The following GALNT16 variants were observed in gnomAD, a reference collection of about 807,000 sequenced individuals.
The protein encoded by GALNT16 is UDP-GalNAc:polypeptide N-acetylgalactosaminyltransferase-like protein 1.
A neutral mutation model predicts 76.1 loss-of-function variants in GALNT16; 40 were observed. That is an observed-to-expected ratio of 0.53 (90% CI 0.41 to 0.68). GALNT16 has a LOEUF of 0.68. Ranked by LOEUF, GALNT16 falls within the 30% of genes least tolerant of loss-of-function variation. The pLI is 0.00. For synonymous variants in GALNT16, 276 were observed against 285.2 expected (o/e 0.97, Z 0.32); for missense variants, 621 against 731.9 (o/e 0.85, Z 1.75).
the GALNT16 span, among the ~76,000 whole-genome samples, chr14:69,366,194 T>A: frequency 2.0e-5 from 3 of 152,186 alleles, no homozygotes; most frequent in Admixed American, 6.5e-5. Flanking sequence ...CATGAATGAA[T>A]GAGCAGCATG....
In GALNT16 at chr14:69,326,007, T is replaced by A; in HGVS notation, c.548T>A (p.Leu183Gln). ...LLTRIPKVKC[L>Q]RNDRREGLIR... ...ACCAGGATCCCCAAGGTCAAGTGCC[T>A]GCGCAATGATCGGCGGGAAGGTGAG... The change falls in exon 5 of 15, where the codon CTG becomes CAG. Residue 183 changes from leucine to glutamine, a missense_variant. Leu to Gln is a moderately radical substitution (Grantham distance 113). Coordinates refer to ENST00000448469, the MANE Select transcript of GALNT16 (RefSeq NM_001168368.2). The A allele has an allele frequency of 1.2e-6, 2 of 1,614,004 alleles. No homozygotes were observed. Among genetic ancestry groups the A allele is most frequent in the Non-Finnish European group, 1.7e-6 (2 of 1,179,884 alleles).
chr14:69,331,512 A>G lies in GALNT16; in HGVS notation c.739A>G (p.Asn247Asp). 6.2e-7 allele frequency: 1 copy of G among 1,611,336 alleles called. No homozygotes were observed. The highest frequency in any genetic ancestry group is 1.1e-5 in the South Asian group (1 of 91,026). The change falls in exon 7 of 15, where the codon AAT becomes GAT. Residue 247 changes from asparagine to aspartate, a missense_variant. Asn to Asp is a conservative substitution (Grantham distance 23). Transcript: ENST00000448469. The stretch of plus-strand genomic sequence containing the variant: ...CATCATTGATGTCATCAGTCTGGAT[A>G]ATTTTGCCTACCTTGCAGCATCTGC... ...SPIIDVISLD[N>D]FAYLAASADL...
the GALNT16 span, among the ~76,000 whole-genome samples, chr14:69,366,828 T>C: frequency 6.6e-6 from 1 of 152,194 alleles, no homozygotes; most frequent in Non-Finnish European, 1.5e-5. Flanking sequence ...GGGATTCCAA[T>C]GTGAAATATG....
At chr14:69,271,561 T>G (rs2044408115) in intron 1 of GALNT16, among the ~76,000 whole-genome samples, 1 of 152,248 alleles carries the variant, frequency 6.6e-6, no homozygotes, top group Admixed American at 6.5e-5. Context: ...GTCCAGACTG[T>G]GCTCACCAGT....
In GALNT16 at chr14:69,277,377, C is replaced by T. The variant is rs564640285; in HGVS notation, c.177+16910C>T. Reference sequence around the variant, plus strand: ...CCTAATGCTATCCCTCCCTGCTCCCCGCCACCCCATGACAGGCCCCGGTGT... The same window carrying T: ...CCTAATGCTATCCCTCCCTGCTCCCTGCCACCCCATGACAGGCCCCGGTGT... On this transcript the variant is annotated intron_variant, in intron 1 of 14. Coordinates refer to ENST00000448469, the MANE Select transcript of GALNT16 (RefSeq NM_001168368.2). Among the ~76,000 whole-genome samples the T allele has an allele frequency of 5.9e-5, 9 of 152,258 alleles. No individual in the cohort carries two copies. The South Asian group carries it at 6.2e-4, about 11-fold the overall frequency.
intron 1 of GALNT16, among the ~76,000 whole-genome samples, chr14:69,289,037 C>T (rs1403718686): frequency 6.6e-6 from 1 of 152,168 alleles, no homozygotes; most frequent in Non-Finnish European, 1.5e-5. Flanking sequence ...ACCCCCATGC[C>T]TGGCTAATTT....
rs540332864 is a variant in GALNT16, at chr14:69,344,080, C to G, written c.1271+2316C>G. Among the ~76,000 whole-genome samples the G allele has an allele frequency of 2.0e-5, 3 of 152,330 alleles. No individual in the cohort carries two copies. The South Asian group carries it at 6.2e-4, about 32-fold the overall frequency. Reference sequence around the variant, plus strand: ...GACCCATAGGCCTGAGTGATACCAACTTTCCTCCAAACAGGGGGTCCCTAA... The same window carrying G: ...GACCCATAGGCCTGAGTGATACCAAGTTTCCTCCAAACAGGGGGTCCCTAA... On this transcript the variant is annotated intron_variant, in intron 12 of 14. Coordinates refer to ENST00000448469, the MANE Select transcript of GALNT16 (RefSeq NM_001168368.2).
chr14:69,362,027 A>AAAGTC (rs1371431330), downstream of GALNT16, among the ~76,000 whole-genome samples: 1 of 152,166 alleles, frequency 6.6e-6, no homozygotes, highest in Non-Finnish European at 1.5e-5. Flanking sequence ...AATAAATAAT[A>AAAGTC]AAGTCACAGG....
chr14:69,362,912 T>G, the GALNT16 span, among the ~76,000 whole-genome samples: 3 of 152,204 alleles, frequency 2.0e-5, no homozygotes, highest in Non-Finnish European at 2.9e-5. Flanking sequence ...ACCTACTTCG[T>G]TCCTGAGTGG....
At chr14:69,315,006 T>G (rs1459673224) in intron 1 of GALNT16, among the ~76,000 whole-genome samples, 1 of 152,216 alleles carries the variant, frequency 6.6e-6, no homozygotes, top group Non-Finnish European at 1.5e-5. Flanking sequence ...TAGGGGTATG[T>G]GTATGTTTTA....
At chr14:69,358,651 A>G (rs1340907531), downstream of GALNT16, 1 of 152,554 alleles carries the variant, frequency 6.6e-6, no homozygotes, top group Admixed American at 6.5e-5. Context: ...CAGTGCTTAG[A>G]GCTCCGGGGG....
intron 1 of GALNT16, among the ~76,000 whole-genome samples, chr14:69,285,967 A>G (rs1333343651): frequency 1.3e-5 from 2 of 152,136 alleles, no homozygotes; most frequent in Admixed American, 6.5e-5. Context: ...CCCCAGTGCA[A>G]CCAGTTTCCC....
chr14:69,310,051 T>C (rs2044993836), intron 1 of GALNT16, among the ~76,000 whole-genome samples: 1 of 152,152 alleles, frequency 6.6e-6, no homozygotes, highest in Non-Finnish European at 1.5e-5. Flanking sequence ...CCCACTGCCA[T>C]TTGAAGTACA....
chr14:69,264,348 G>T (rs916762868), intron 1 of GALNT16, among the ~76,000 whole-genome samples: 2 of 152,158 alleles, frequency 1.3e-5, no homozygotes, highest in East Asian at 3.9e-4. Flanking sequence ...TGCAAGGTTT[G>T]TTGATCCTGA....
intron 1 of GALNT16, among the ~76,000 whole-genome samples, chr14:69,279,138 G>T (rs1256065349): frequency 6.6e-6 from 1 of 151,978 alleles, no homozygotes; most frequent in African/African-American, 2.4e-5. Context: ...CACCATGTTG[G>T]CCAGGCTGGT....
intron 1 of GALNT16, among the ~76,000 whole-genome samples, chr14:69,301,380 G>T (rs2044850026): frequency 6.6e-6 from 1 of 152,132 alleles, no homozygotes; most frequent in African/African-American, 2.4e-5. Flanking sequence ...TTGAGACGGA[G>T]TCTCTCTGTG....
chr14:69,296,416 A>C (rs1000574459), intron 1 of GALNT16, among the ~76,000 whole-genome samples: 1 of 152,188 alleles, frequency 6.6e-6, no homozygotes, highest in Non-Finnish European at 1.5e-5. Context: ...AGTCTTGCTC[A>C]GGTGTGTTGG....
intron 1 of GALNT16, among the ~76,000 whole-genome samples, chr14:69,273,986 A>G (rs1421545315): frequency 6.6e-6 from 1 of 152,188 alleles, no homozygotes; most frequent in Non-Finnish European, 1.5e-5. Flanking sequence ...TTTGTTCAGG[A>G]TGCAGCATAG....
At chr14:69,275,154 G>A (rs779749747) in intron 1 of GALNT16, among the ~76,000 whole-genome samples, 2 of 152,216 alleles carry the variant, frequency 1.3e-5, no homozygotes, top group African/African-American at 4.8e-5. Context: ...TGGGAAGATA[G>A]AGGGACTGGG....
Sources: gnomAD v4.1 joint callset for allele counts (sites outside exome capture counted in the v4.1 genomes callset) on GRCh38, gnomAD v4.1.1 for gene constraint, MANE v1.5 for transcripts, NCBI Gene and HGNC (gene_info 2026-07-23, HGNC 2026-07-21) for gene names.